Variants in PRPF39 observed in about 807,000 individuals in gnomAD.
PRPF39 encodes the protein pre-mRNA-processing factor 39.
A neutral mutation model predicts 82.1 loss-of-function variants in PRPF39; 27 were observed. That is an observed-to-expected ratio of 0.33 (90% CI 0.24 to 0.45). The LOEUF is 0.45. Ranked by LOEUF, PRPF39 falls within the 20% of genes least tolerant of loss-of-function variation. The pLI is 1.00. For synonymous variants in PRPF39, 261 were observed against 256.4 expected (o/e 1.02, Z -0.17); for missense variants, 581 against 796.9 (o/e 0.73, Z 3.26).
chr14:45,114,177 T>C lies in PRPF39; in HGVS notation c.1758-6T>C. 1.3e-6 allele frequency: 2 copies of C among 1,567,124 alleles called. No homozygotes were observed. The highest frequency in any genetic ancestry group is 1.7e-6 in the Non-Finnish European group (2 of 1,150,310). ...TTCCAGAGGATATTTTTTTCTTTCC[T>C]TTCAGGCTTCTGAATGCTTATGATG... On this transcript the variant is annotated splice_polypyrimidine_tract_variant and splice_region_variant and intron_variant, in intron 11 of 13. Transcript: ENST00000355765.
intron 5 of PRPF39, among the ~76,000 whole-genome samples, chr14:45,106,147 C>T (rs111719279): frequency 0.099 from 14,982 of 151,576 alleles, 975 homozygotes; most frequent in African/African-American, 0.18. Flanking sequence ...GTCAGGAGTT[C>T]GAGACCAGGC....
intron 5 of PRPF39, among the ~76,000 whole-genome samples, chr14:45,104,260 G>T (rs1361899376): frequency 1.3e-5 from 2 of 152,066 alleles, no homozygotes; most frequent in East Asian, 3.9e-4. Flanking sequence ...ATAGATATTA[G>T]TGGGATTATA....
In PRPF39 at chr14:45,095,243, C is replaced by A. The variant is rs778037249; in HGVS notation, c.4C>A (p.Gln2Lys). 3 of 1,580,364 alleles carry A rather than the reference C, an allele frequency of 1.9e-6. No individual in the cohort carries two copies. The highest frequency in any genetic ancestry group is 2.6e-6 in the Non-Finnish European group (3 of 1,157,622). ...CAGATCGTTAACTGAAGACAATATG[C>A]AAAATTCTCACATGGATGAATACAG... M[Q>K]NSHMDEYRNS... is the part of the protein sequence containing the mutation. The change falls in exon 2 of 14, where the codon CAA (glutamine) becomes AAA (lysine). Residue 2 changes from glutamine (Q) to lysine (K), a missense_variant. Coordinates refer to ENST00000355765, the MANE Select transcript of PRPF39 (RefSeq NM_017922.4).
At chr14:45,098,329 G>A (rs542771412) in intron 4 of PRPF39, among the ~76,000 whole-genome samples, 1 of 152,030 alleles carries the variant, frequency 6.6e-6, no homozygotes, top group Non-Finnish European at 1.5e-5. Flanking sequence ...TGTAGTTCTA[G>A]CTACTCGGGA....
chr14:45,112,019 T>C (rs1884712979), intron 10 of PRPF39, among the ~76,000 whole-genome samples: 1 of 152,186 alleles, frequency 6.6e-6, no homozygotes, highest in Non-Finnish European at 1.5e-5. Flanking sequence ...TTTCTAATTG[T>C]CATGGTAGGT....
In PRPF39 at chr14:45,107,676, C is replaced by T. The variant is rs531657893; in HGVS notation, c.903+60C>T. The T allele has an allele frequency of 1.7e-4, 249 of 1,486,492 alleles. 1 individual carries two copies. The African/African-American group carries it at 2.2e-3, about 13-fold the overall frequency. The allele number at this position is 1,486,492 out of a possible 1,614,324, so 92.1% of individuals were successfully genotyped here. A position where few individuals can be genotyped will look rare whatever the true frequency, so the allele number is the denominator to read the frequency against. On this transcript the variant is annotated intron_variant, in intron 6 of 13. Coordinates refer to ENST00000355765, the MANE Select transcript of PRPF39 (RefSeq NM_017922.4). ...AGGTATGGTGGCTTATGCCTGTAATCGCAGCACTTTGGGAGGCCAAGGTAG... is the reference window on the plus strand; with the variant it reads ...AGGTATGGTGGCTTATGCCTGTAATTGCAGCACTTTGGGAGGCCAAGGTAG...
chr14:45,099,342 T>C (rs2139049214), intron 4 of PRPF39, among the ~76,000 whole-genome samples: 1 of 152,194 alleles, frequency 6.6e-6, no homozygotes. Flanking sequence ...AATTACTGAG[T>C]TTTTCTTTTC....
Position 45,096,993 on chromosome 14 carries a change from A to G in PRPF39, c.557A>G (p.Asn186Ser), listed in dbSNP as rs977113874. ...TLDPGDPETN[N>S]TIRGTFEHAV... is the part of the protein sequence containing the mutation. ...GACCCTGGTGATCCTGAGACAAACA[A>G]TACAATAAGAGGGTATGTGGAACAT... The change falls in exon 4 of 14, where the codon AAT becomes AGT. Residue 186 changes from asparagine (N) to serine (S), a missense_variant. Coordinates refer to ENST00000355765, the MANE Select transcript of PRPF39 (RefSeq NM_017922.4). The G allele has an allele frequency of 6.5e-6, 10 of 1,541,192 alleles. No homozygotes were observed. Among genetic ancestry groups the G allele is most frequent in the African/African-American group, 1.4e-5 (1 of 72,204 alleles).
chr14:45,109,523 A>G, intron 7 of PRPF39, 93 bp from the exon 8 acceptor site: 1 of 1,001,778 alleles, frequency 1.0e-6, no homozygotes, highest in Non-Finnish European at 1.3e-6. Flanking sequence ...TTAATCATCA[A>G]TTATATTTAA....
In PRPF39 at chr14:45,115,697, A is replaced by G. The variant is rs1341059865; in HGVS notation, c.*784A>G. 8.5e-5 allele frequency: 13 copies of G among 152,560 alleles called. No homozygotes were observed. Among genetic ancestry groups the G allele is most frequent in the Non-Finnish European group, 4.4e-5 (3 of 68,186 alleles). The allele number at this position is 152,560 out of a possible 1,614,324, so 9.5% of individuals were successfully genotyped here. ...ATTGGTTTTGAAGTACACCTTTTCTAAATTCAGGTCTTGATCTTCCTGCCA... is the reference window on the plus strand; with the variant it reads ...ATTGGTTTTGAAGTACACCTTTTCTGAATTCAGGTCTTGATCTTCCTGCCA... On this transcript the variant is annotated 3_prime_UTR_variant, in exon 14 of 14. Transcript: ENST00000355765.
chr14:45,100,790 TATC>T (rs1435227398), intron 4 of PRPF39, among the ~76,000 whole-genome samples: 1 of 152,226 alleles, frequency 6.6e-6, no homozygotes, highest in African/African-American at 2.4e-5. Context: ...TGGTGTCTTT[TATC>T]ATATGGAGTT....
At chr14:45,089,524 A>AGTGGCACGATCACGACTCAC (rs1284406858) in intron 1 of PRPF39, among the ~76,000 whole-genome samples, 2 of 152,146 alleles carry the variant, frequency 1.3e-5, no homozygotes. Context: ...GCTGGAGTGC[A>AGTGGCACGATCACGACTCAC]GTGGCACGAT....
At chr14:45,111,158 G>C (rs1016511169) in intron 10 of PRPF39, among the ~76,000 whole-genome samples, 3 of 152,192 alleles carry the variant, frequency 2.0e-5, no homozygotes, top group Non-Finnish European at 2.9e-5. Flanking sequence ...CGTTGCCTAT[G>C]TTGTAAGCAC....
chr14:45,095,726 C>T (rs1884177148), intron 2 of PRPF39, 163 bp downstream of exon 2: 1 of 948,720 alleles, frequency 1.1e-6, no homozygotes, highest in Middle Eastern at 3.5e-4. Context: ...AAATAGCTTA[C>T]AGCTTTTGTA....
rs58863567 is a variant in PRPF39, at chr14:45,111,631, C to CTTTTT, written c.1573-664_1573-660dup. Among the ~76,000 whole-genome samples, 47 of 58,806 alleles carry CTTTTT rather than the reference C, an allele frequency of 8.0e-4. 5 individuals are homozygous for CTTTTT. The highest frequency in any genetic ancestry group is 2.2e-3 in the African/African-American group (29 of 13,128). The allele number at this position is 58,806 out of a possible 152,430, so 38.6% of individuals were successfully genotyped here. ...ACAGGCGTAAGCCACTGCACCTGGG[C>CTTTTT]TTTTTTTTTTTTTTTTTTTTTTTTT... On this transcript the variant is annotated intron_variant, in intron 10 of 13. Coordinates refer to ENST00000355765, the MANE Select transcript of PRPF39 (RefSeq NM_017922.4).
chr14:45,110,356 C>T lies in PRPF39; in HGVS notation c.1303+136C>T. On this transcript the variant is annotated intron_variant, in intron 9 of 13. Transcript: ENST00000355765. This position sits in a 1 kb window ranked among gnomAD's most constrained non-coding sequence, Gnocchi z 4.0. ...CTCTAAAGGGCCAGATAGTAAAAGC[C>T]ACGTGTTCTGACTTTCAGGCTTTGT... The T allele has an allele frequency of 3.0e-6, 4 of 1,333,866 alleles. No homozygotes were observed. Among genetic ancestry groups the T allele is most frequent in the Non-Finnish European group, 4.1e-6 (4 of 986,968 alleles). 82.6% of individuals were successfully genotyped at this position (1,333,866 alleles called of 1,614,324 possible).
chr14:45,090,927 G>T (rs903175511), intron 1 of PRPF39, among the ~76,000 whole-genome samples: 1 of 151,854 alleles, frequency 6.6e-6, no homozygotes, highest in South Asian at 2.1e-4. Flanking sequence ...TCAAATTTTT[G>T]TGTATTCCCT....
At chr14:45,094,700 T>C (rs1445120041) in intron 1 of PRPF39, among the ~76,000 whole-genome samples, 1 of 152,254 alleles carries the variant, frequency 6.6e-6, no homozygotes, top group Non-Finnish European at 1.5e-5. Flanking sequence ...TATATAGATA[T>C]ATTTAAGCAA....
At chr14:45,090,878 G>C (rs1429111268) in intron 1 of PRPF39, among the ~76,000 whole-genome samples, 2 of 151,976 alleles carry the variant, frequency 1.3e-5, no homozygotes, top group African/African-American at 4.8e-5. Flanking sequence ...AAAATTTTTT[G>C]TCCCCTTCCC....
Sources: gnomAD v4.1 joint callset for allele counts (sites outside exome capture counted in the v4.1 genomes callset) on GRCh38, gnomAD v4.1.1 for gene constraint, Gnocchi (gnomAD v3.1) non-coding constraint, MANE v1.5 for transcripts, NCBI Gene and HGNC (gene_info 2026-07-23, HGNC 2026-07-21) for gene names.